Variants in DEFB124 observed in about 807,000 individuals in gnomAD.
DEFB124 encodes defensin beta 124.
For missense variants in DEFB124, 78 were observed against 83.1 expected, an observed-to-expected ratio of 0.94 and a Z score of 0.24; for synonymous variants, 38 against 36.5, an observed-to-expected ratio of 1.04 and a Z score of -0.15.
At chr20:31,473,159 G>T in intron 1 of DEFB124, 121 bp from the exon 2 acceptor site, 1 of 810,034 alleles carries the variant, frequency 1.2e-6, no homozygotes, top group Non-Finnish European at 1.9e-6. Context: ...GGAGTATGAG[G>T]CCATGTGGTC....
intron 2 of DEFB124, among the ~76,000 whole-genome samples, chr20:31,470,182 G>A (rs1168979791): frequency 2.1e-5 from 3 of 141,654 alleles, no homozygotes; most frequent in East Asian, 2.1e-4. Context: ...CCTCCCGGAC[G>A]GGGCGGCTGG....
At chr20:31,466,372 G>A (rs925176407) in intron 2 of DEFB124, among the ~76,000 whole-genome samples, 1 of 151,812 alleles carries the variant, frequency 6.6e-6, no homozygotes, top group African/African-American at 2.4e-5. Context: ...GGCTGAGGCG[G>A]GTGGATCACC....
chr20:31,465,576 G>A lies in DEFB124; in HGVS notation c.146C>T (p.Pro49Leu), dbSNP rs138998441. The part of the protein sequence containing the change: ...TRQETYMHLC[P>L]DASLCCLSYA... The stretch of plus-strand genomic sequence containing the variant: ...GGAGAGACAGCACAGGGACGCATCC[G>A]GGCACAGGTGCATGTAAGTTTCTTG... The change falls in exon 3 of 3, where the codon CCG (proline) becomes CTG (leucine). Residue 49 changes from proline to leucine, a missense_variant. Physicochemically the swap from Pro to Leu is moderately conservative, Grantham distance 98. Coordinates refer to ENST00000317676, the MANE Select transcript of DEFB124 (RefSeq NM_001037500.2). The A allele has an allele frequency of 4.7e-5, 76 of 1,614,176 alleles. 1 individual carries two copies. The highest frequency in any genetic ancestry group is 1.3e-4 in the South Asian group (12 of 91,082).
chr20:31,471,043 C>T (rs1353992954), intron 2 of DEFB124, among the ~76,000 whole-genome samples: 9 of 134,446 alleles, frequency 6.7e-5, no homozygotes, highest in African/African-American at 1.7e-4. Context: ...GGCGGCTGGC[C>T]GGGCGGGGGG....
chr20:31,473,492 G>A (rs1980391155), intron 1 of DEFB124, among the ~76,000 whole-genome samples: 1 of 152,154 alleles, frequency 6.6e-6, no homozygotes, highest in Non-Finnish European at 1.5e-5. Flanking sequence ...ACTCTAAAAT[G>A]GGAAGAGTAA....
At chr20:31,471,169 C>A (rs1464031574) in intron 2 of DEFB124, among the ~76,000 whole-genome samples, 23 of 136,740 alleles carry the variant, frequency 1.7e-4, no homozygotes, top group South Asian at 9.6e-4. Context: ...GACGAGGCGG[C>A]TGGCTGGGCG....
intron 2 of DEFB124, among the ~76,000 whole-genome samples, chr20:31,470,361 G>T (rs1980212410): frequency 7.1e-6 from 1 of 141,232 alleles, no homozygotes; most frequent in East Asian, 2.2e-4. Context: ...CCCGGACGGG[G>T]TGGCTGGCCG....
At chr20:31,469,391 A>G (rs983265620) in intron 2 of DEFB124, among the ~76,000 whole-genome samples, 8 of 152,176 alleles carry the variant, frequency 5.3e-5, no homozygotes, top group Non-Finnish European at 8.8e-5. Context: ...CCATTGCACG[A>G]GCAACAAGAA....
chr20:31,466,917 A>G (rs750578258), intron 2 of DEFB124, among the ~76,000 whole-genome samples: 3 of 152,122 alleles, frequency 2.0e-5, no homozygotes, highest in Non-Finnish European at 4.4e-5. Context: ...AATGAACAAT[A>G]CAGCCATGGT....
At chr20:31,472,849 T>G in intron 2 of DEFB124, 107 bp downstream of exon 2, 1 of 1,387,282 alleles carries the variant, frequency 7.2e-7, no homozygotes, top group South Asian at 1.6e-5. Flanking sequence ...AGAACTTAAA[T>G]GCTGATAGAG....
intron 2 of DEFB124, among the ~76,000 whole-genome samples, chr20:31,471,514 G>A (rs1351973389): frequency 5.3e-5 from 7 of 133,290 alleles, no homozygotes; most frequent in African/African-American, 1.1e-4. Context: ...CCTCCCTCCC[G>A]GACGGGGCGG....
Position 31,465,635 on chromosome 20 carries a change from C to T in DEFB124, c.87G>A (p.Lys29=), listed in dbSNP as rs200815106. Reference sequence around the variant, plus strand: ...AGTAAGTTTGGCAGGCCCCTTGACCCTTCCAGCACCGTTTGAATTCACTTC... The same window carrying T: ...AGTAAGTTTGGCAGGCCCCTTGACCTTTCCAGCACCGTTTGAATTCACTTC... ...SGRSEFKRCW[K]GQGACQTYCT... is the part of the protein sequence containing the mutation. Residue 29 remains lysine, a synonymous_variant, in exon 3 of 3, where the codon AAG becomes AAA. Coordinates refer to ENST00000317676, the MANE Select transcript of DEFB124 (RefSeq NM_001037500.2). The T allele has an allele frequency of 1.2e-5, 19 of 1,613,922 alleles. No homozygotes were observed. Among genetic ancestry groups the T allele is most frequent in the Non-Finnish European group, 9.3e-6 (11 of 1,180,046 alleles).
intron 2 of DEFB124, among the ~76,000 whole-genome samples, chr20:31,471,052 G>A (rs1386050444): frequency 1.5e-5 from 2 of 136,556 alleles, no homozygotes; most frequent in Non-Finnish European, 3.2e-5. Context: ...CCGGGCGGGG[G>A]GCTGACCCCC....
At chr20:31,465,963 C>T in intron 2 of DEFB124, among the ~76,000 whole-genome samples, 1 of 151,966 alleles carries the variant, frequency 6.6e-6, no homozygotes, top group East Asian at 1.9e-4. Flanking sequence ...TTGAGACCAG[C>T]CTGGCCAACA....
intron 2 of DEFB124, among the ~76,000 whole-genome samples, chr20:31,470,563 C>T (rs1374392794): frequency 1.4e-5 from 2 of 139,862 alleles, no homozygotes; most frequent in African/African-American, 2.7e-5. Context: ...GGGGCTGACC[C>T]CACCTCCATC....
At chr20:31,471,347 TG>T (rs1568758308) in intron 2 of DEFB124, among the ~76,000 whole-genome samples, 4 of 11,152 alleles carry the variant, frequency 3.6e-4, no homozygotes, top group Non-Finnish European at 5.5e-4. Context: ...ACGGGGCGGC[TG>T]GCCGGGCGGG....
At chr20:31,467,713 G>A (rs1002892424) in intron 2 of DEFB124, among the ~76,000 whole-genome samples, 6 of 152,144 alleles carry the variant, frequency 3.9e-5, no homozygotes, top group Admixed American at 6.5e-5. Flanking sequence ...GTCTGGAACC[G>A]GAACCCGAGA....
chr20:31,467,466 A>G (rs967082053), intron 2 of DEFB124, among the ~76,000 whole-genome samples: 2 of 152,186 alleles, frequency 1.3e-5, no homozygotes, highest in Non-Finnish European at 2.9e-5. Context: ...GTCATTTCCC[A>G]TTGAGTGACC....
chr20:31,470,747 C>T (rs1234936688), intron 2 of DEFB124, among the ~76,000 whole-genome samples: 5 of 135,926 alleles, frequency 3.7e-5, no homozygotes, highest in Non-Finnish European at 8.1e-5. Context: ...GCTGGCCAGG[C>T]AGAGGGGCTC....
Sources: allele counts gnomAD v4.1 joint callset (sites outside exome capture counted in the v4.1 genomes callset), GRCh38; gene constraint gnomAD v4.1.1; transcripts MANE v1.5; gene names NCBI Gene and HGNC (gene_info 2026-07-23, HGNC 2026-07-21).